GOLIM4: variants seen among roughly 807,000 people sequenced by gnomAD.
GOLIM4 encodes the protein 130 kDa golgi-localized phosphoprotein.
Under a neutral mutation model 107.4 loss-of-function variants are expected in GOLIM4, and 71 were observed. That is an observed-to-expected ratio of 0.66 (90% CI 0.55 to 0.81). GOLIM4 has a LOEUF of 0.81. Among genes scored for constraint, GOLIM4 ranks in the 30% least tolerant of loss-of-function variants. The probability of loss-of-function intolerance (pLI) is 0.00; values close to 1 mark genes in which losing one functional copy is unlikely to be tolerated. For missense variants in GOLIM4, 830 were observed against 826.1 expected (o/e 1.00, Z -0.06); for synonymous variants, 327 against 294.8 (o/e 1.11, Z -1.12).
intron 9 of GOLIM4, among the ~76,000 whole-genome samples, chr3:168,030,525 A>T (rs1430243441): frequency 6.6e-6 from 1 of 151,992 alleles, no homozygotes; most frequent in Non-Finnish European, 1.5e-5. Context: ...AAAAAAAAAA[A>T]AAAAGCCACA....
intron 5 of GOLIM4, among the ~76,000 whole-genome samples, chr3:168,042,116 C>T (rs939853955): frequency 1.3e-5 from 2 of 152,160 alleles, no homozygotes; most frequent in South Asian, 2.1e-4. Flanking sequence ...TTACCAAAAC[C>T]AGGAAACTGT....
chr3:168,092,264 GC>G (rs1721952392), intron 1 of GOLIM4, among the ~76,000 whole-genome samples: 1 of 152,212 alleles, frequency 6.6e-6, no homozygotes, highest in Non-Finnish European at 1.5e-5. Flanking sequence ...TAATTAAGGT[GC>G]CAGTATGGGA....
At chr3:168,059,916 G>C (rs764906366) in intron 1 of GOLIM4, among the ~76,000 whole-genome samples, 2 of 152,106 alleles carry the variant, frequency 1.3e-5, no homozygotes, top group Non-Finnish European at 1.5e-5. Context: ...GTAACCCATA[G>C]GAAAGCTGTA....
chr3:168,047,150 T>G, intron 2 of GOLIM4, 151 bp from the exon 3 acceptor site: 1 of 462,772 alleles, frequency 2.2e-6, no homozygotes, highest in South Asian at 4.2e-5. Context: ...ATTTTGGCTC[T>G]CATTGCTTTA....
At chr3:168,044,758 G>GAAA (rs1226814323) in intron 4 of GOLIM4, 70 bp downstream of exon 4, 1 of 832,278 alleles carries the variant, frequency 1.2e-6, no homozygotes, top group Non-Finnish European at 1.9e-6. Flanking sequence ...TCACTTTAAA[G>GAAA]GCCATTAGTC....
intron 5 of GOLIM4, among the ~76,000 whole-genome samples, chr3:168,043,129 T>C (rs1055866662): frequency 2.6e-5 from 4 of 152,226 alleles, no homozygotes; most frequent in Admixed American, 6.5e-5. Context: ...AACAGGGCCA[T>C]GTGCCCCACT....
rs1185588826 is a variant in GOLIM4, at chr3:168,047,318, GA to G, written c.263-320del. On this transcript the variant is annotated intron_variant, in intron 2 of 15. Coordinates refer to ENST00000470487, the MANE Select transcript of GOLIM4 (RefSeq NM_014498.5). ...AGGAGGGAAAAAATGGAGCACATCT[GA>G]AGACAAAGGTGATTTATTGCTATCC... Among the ~76,000 whole-genome samples, 3 of 152,266 alleles carry G rather than the reference GA, an allele frequency of 2.0e-5. No homozygotes were observed. In the East Asian group the frequency reaches 5.8e-4, roughly 29 times the overall value.
At position 168,010,212 on chromosome 3, in the gene GOLIM4, G is replaced by A; in HGVS notation, c.*57C>T. The A allele has an allele frequency of 6.6e-7, 1 of 1,512,424 alleles. No individual in the cohort carries two copies. Among genetic ancestry groups the A allele is most frequent in the East Asian group, 2.3e-5 (1 of 43,918 alleles). 93.7% of individuals were successfully genotyped at this position (1,512,424 alleles called of 1,614,324 possible). A position where few individuals can be genotyped will look rare whatever the true frequency, so the allele number is the denominator to read the frequency against. On this transcript the variant is annotated 3_prime_UTR_variant, in exon 16 of 16. Transcript: ENST00000470487. ...CCTAGAGTTCAGTAGGCAGATTTAT[G>A]TTTGAGCAGCTTGAAAAGAATCCGT...
At chr3:168,091,005 T>G (rs1022496542) in intron 1 of GOLIM4, among the ~76,000 whole-genome samples, 1 of 149,926 alleles carries the variant, frequency 6.7e-6, no homozygotes, top group Admixed American at 6.6e-5. Context: ...AAGTGGAGAC[T>G]ACAAAAGGTG....
intron 1 of GOLIM4, among the ~76,000 whole-genome samples, chr3:168,073,480 A>C (rs1017412622): frequency 1.3e-5 from 2 of 152,206 alleles, no homozygotes; most frequent in African/African-American, 4.8e-5. Context: ...ATAATTGATT[A>C]CCTACTATAT....
intron 1 of GOLIM4, among the ~76,000 whole-genome samples, chr3:168,050,822 TATAATAATAATA>T (rs140084468): frequency 0.026 from 3,589 of 136,302 alleles, 136 homozygotes; most frequent in South Asian, 0.14. Context: ...TAGCAACACC[TATAATAATAATA>T]ATAATAATAA....
At chr3:168,076,103 GC>G (rs1167265414) in intron 1 of GOLIM4, among the ~76,000 whole-genome samples, 2 of 152,146 alleles carry the variant, frequency 1.3e-5, no homozygotes, top group African/African-American at 4.8e-5. Flanking sequence ...GACGACATCT[GC>G]CTTTATAAAT....
At chr3:168,018,748 G>T (rs1341102386) in intron 14 of GOLIM4, among the ~76,000 whole-genome samples, 1 of 152,082 alleles carries the variant, frequency 6.6e-6, no homozygotes, top group Non-Finnish European at 1.5e-5. Context: ...TGTCAATTTT[G>T]ATTAACAAAG....
intron 1 of GOLIM4, among the ~76,000 whole-genome samples, chr3:168,083,675 G>A (rs745371788): frequency 1.3e-5 from 2 of 152,140 alleles, no homozygotes; most frequent in Non-Finnish European, 2.9e-5. Flanking sequence ...TAGCACAGTG[G>A]TTGGTACCCA....
chr3:168,061,484 T>C (rs1720268136), intron 1 of GOLIM4, among the ~76,000 whole-genome samples: 1 of 152,198 alleles, frequency 6.6e-6, no homozygotes. Flanking sequence ...AACCCAGTAC[T>C]TGACATTTAT....
At chr3:168,034,301 C>T (rs192635398) in intron 8 of GOLIM4, among the ~76,000 whole-genome samples, 2 of 152,320 alleles carry the variant, frequency 1.3e-5, no homozygotes, top group Admixed American at 6.5e-5. Flanking sequence ...CAGATAACTC[C>T]TATCTCCACC....
In GOLIM4 at chr3:168,032,560, C is replaced by G; in HGVS notation, c.1136G>C (p.Arg379Pro). ...DREWKEQHEQ[R>P]EAANLLEGHA... Reference sequence around the variant, plus strand: ...CCCTTCCAGGAGGTTGGCTGCTTCTCGTTGCTCATGCTGCTCTTTCCACTC... The same window carrying G: ...CCCTTCCAGGAGGTTGGCTGCTTCTGGTTGCTCATGCTGCTCTTTCCACTC... The change falls in exon 9 of 16, where the codon CGA becomes CCA. Residue 379 changes from arginine (R) to proline (P), a missense_variant. Physicochemically the swap from Arg to Pro is moderately radical, Grantham distance 103 (BLOSUM62 -2). Coordinates refer to ENST00000470487, the MANE Select transcript of GOLIM4 (RefSeq NM_014498.5). 6.2e-7 allele frequency: 1 copy of G among 1,614,082 alleles called. No individual in the cohort carries two copies. Among genetic ancestry groups the G allele is most frequent in the Non-Finnish European group, 8.5e-7 (1 of 1,180,018 alleles).
chr3:168,074,365 G>GA (rs1285678107), intron 1 of GOLIM4, among the ~76,000 whole-genome samples: 1 of 152,272 alleles, frequency 6.6e-6, no homozygotes, highest in East Asian at 1.9e-4. Context: ...AACTTTTCAG[G>GA]AAAAAGCCTT....
intron 14 of GOLIM4, among the ~76,000 whole-genome samples, chr3:168,012,440 A>G (rs1206266674): frequency 6.8e-6 from 1 of 147,254 alleles, no homozygotes; most frequent in Non-Finnish European, 1.5e-5. Flanking sequence ...GATGGGGAGA[A>G]TGGAACCAAG....
Sources: allele counts gnomAD v4.1 joint callset (sites outside exome capture counted in the v4.1 genomes callset), GRCh38; gene constraint gnomAD v4.1.1; transcripts MANE v1.5; gene names NCBI Gene and HGNC (gene_info 2026-07-23, HGNC 2026-07-21).